FTCD: variants seen among roughly 807,000 people sequenced by gnomAD.
The protein encoded by FTCD is formimidoyltransferase cyclodeaminase.
FTCD carries 76 observed loss-of-function variants against 62.9 expected under a neutral mutation model. The observed-to-expected ratio is 1.21, with a 90% CI of 1.00 to 1.46. FTCD has a LOEUF of 1.46. Ranked by LOEUF, FTCD falls within the 40% of genes most tolerant of loss-of-function variation. FTCD has a pLI of 0.00. For synonymous variants in FTCD, 397 were observed against 336.9 expected, an observed-to-expected ratio of 1.18 and a Z score of -1.95; for missense variants, 845 against 751.3, an observed-to-expected ratio of 1.12 and a Z score of -1.46.
At chr21:46,148,224 C>T (rs1236815765) in intron 7 of FTCD, among the ~76,000 whole-genome samples, 1 of 152,172 alleles carries the variant, frequency 6.6e-6, no homozygotes, top group African/African-American at 2.4e-5. Context: ...GGAAGGGGGT[C>T]GCCTTGGCAA....
chr21:46,151,882 G>C lies in FTCD; in HGVS notation c.456+10C>G, dbSNP rs113169471. The C allele has an allele frequency of 2.7e-4, 415 of 1,557,514 alleles. 3 individuals carry two copies. In the African/African-American group the frequency reaches 4.8e-3, roughly 18 times the overall value. On this transcript the variant is annotated intron_variant, in intron 4 of 13. Transcript: ENST00000397746. ...TCCTTCCCAGGCCCGACCGCCCGGG[G>C]TGGGGGCACCTTCTTAGGGAGGGCC...
chr21:46,145,050 G>C (rs1249735995), intron 10 of FTCD, among the ~76,000 whole-genome samples: 2 of 151,832 alleles, frequency 1.3e-5, no homozygotes, highest in Admixed American at 1.3e-4. Context: ...ATTCTTGCAG[G>C]CCTCCTTTCC....
intron 7 of FTCD, 24 bp downstream of exon 7, chr21:46,150,095 C>T (rs544050099): frequency 6.2e-6 from 10 of 1,600,436 alleles, no homozygotes; most frequent in South Asian, 2.2e-5. Flanking sequence ...CCCTGTCCGA[C>T]CCTTCCTCGG....
intron 3 of FTCD, 118 bp from the exon 4 acceptor site, chr21:46,152,098 C>A: frequency 1.4e-6 from 1 of 706,646 alleles, no homozygotes; most frequent in Non-Finnish European, 2.4e-6. Context: ...TCTACTGCAC[C>A]CTCTCCTGGG....
intron 7 of FTCD, among the ~76,000 whole-genome samples, chr21:46,149,002 G>A (rs185733190): frequency 6.6e-6 from 1 of 152,138 alleles, no homozygotes; most frequent in Non-Finnish European, 1.5e-5. Context: ...TAATAAATTA[G>A]GGGTAAAAGA....
rs1401182404 is a variant in FTCD, at chr21:46,137,393, G to A, written c.1444-59C>T. 57 of 1,302,366 alleles carry A rather than the reference G, an allele frequency of 4.4e-5. 1 individual carries two copies. Among genetic ancestry groups the A allele is most frequent in the South Asian group, 3.5e-4 (30 of 84,718 alleles). The allele number at this position is 1,302,366 out of a possible 1,614,324, so 80.7% of individuals were successfully genotyped here. On this transcript the variant is annotated intron_variant, in intron 12 of 13. Transcript: ENST00000397746. ...AAGGCTGAGCAAACTGCCGGAAGGA[G>A]GGTCTCTGCCTGACGGGCTCTGGGA...
chr21:46,150,248 C>T lies in FTCD; in HGVS notation c.777G>A (p.Glu259=), dbSNP rs1294340189. 5 of 1,609,194 alleles carry T rather than the reference C, an allele frequency of 3.1e-6. No homozygotes were observed. The highest frequency in any genetic ancestry group is 4.2e-6 in the Non-Finnish European group (5 of 1,178,460). Residue 259 remains glutamate, a splice_region_variant and synonymous_variant, in exon 7 of 14, where the codon GAG becomes GAA. Transcript: ENST00000397746. ...GTGAGCCCACCACTGGGAGGCTCAG[C>T]TCCTGCCAAGGCACAGGCAGCGTCA... The part of the protein sequence containing the change: ...VYEETCREAQ[E]LSLPVVGSQL...
At chr21:46,136,493 TTC>T (rs775831795), downstream of FTCD, 87 of 1,612,464 alleles carry the variant, frequency 5.4e-5, no homozygotes, top group Non-Finnish European at 7.0e-5. Context: ...TCCCTGGGGT[TTC>T]TGTCCCATGC....
chr21:46,140,200 A>C (rs541325610), intron 10 of FTCD, among the ~76,000 whole-genome samples: 1 of 151,680 alleles, frequency 6.6e-6, no homozygotes, highest in African/African-American at 2.4e-5. Flanking sequence ...GTGTACACCA[A>C]CCCAGCACTC....
In FTCD at chr21:46,137,324, T is replaced by C. The variant is rs768097482; in HGVS notation, c.1454A>G (p.Lys485Arg). 1.9e-6 allele frequency: 3 copies of C among 1,613,450 alleles called. No individual in the cohort carries two copies. Among genetic ancestry groups the C allele is most frequent in the South Asian group, 2.2e-5 (2 of 91,076 alleles). The change falls in exon 13 of 14, where the codon AAA (lysine) becomes AGA (arginine). Residue 485 changes from lysine (K) to arginine (R), a missense_variant. Transcript: ENST00000397746. Reference sequence around the variant, plus strand: ...GCCAAACACGCCCATCTCCAGGGCTTTGGCCGCCACCTGCAAGGACCCCAG... The same window carrying C: ...GCCAAACACGCCCATCTCCAGGGCTCTGGCCGCCACCTGCAAGGACCCCAG... ...ACRSDLQVAA[K>R]ALEMGVFGAY... is the part of the protein sequence containing the mutation.
downstream of FTCD, chr21:46,136,442 T>A (rs752959852): frequency 6.2e-7 from 1 of 1,612,624 alleles, no homozygotes; most frequent in East Asian, 2.2e-5. Context: ...GAGCTGCACC[T>A]GGGAAGCGAG....
Position 46,138,644 on chromosome 21 carries a change from C to A in FTCD, c.1307G>T (p.Arg436Leu). 6.3e-7 allele frequency: 1 copy of A among 1,594,938 alleles called. No homozygotes were observed. Residue 436 changes from arginine (R) to leucine (L), a missense_variant and splice_region_variant, in exon 12 of 14, where the codon CGC becomes CTC. Physicochemically the swap from Arg to Leu is moderately radical, Grantham distance 102. Transcript: ENST00000397746. ...PKNTPEEKDRRTAALQEGLRR... is the reference protein window; with the variant it reads ...PKNTPEEKDRLTAALQEGLRR... ...CAGACCCTCCTGTAGGGCCGCCGTG[C>A]GCCTGAAAGGAGCAAGAGGAGAGCC...
chr21:46,153,188 G>C (rs1025369087), intron 2 of FTCD, among the ~76,000 whole-genome samples, 153 bp from the exon 3 acceptor site: 1 of 152,142 alleles, frequency 6.6e-6, no homozygotes, highest in East Asian at 1.9e-4. Flanking sequence ...GGAGGAGGCC[G>C]GCCCTGGGCG....
At position 46,136,831 on chromosome 21, in the gene FTCD, C is replaced by G. The variant is rs919140094; in HGVS notation, c.*156G>C. On this transcript the variant is annotated 3_prime_UTR_variant, in exon 14 of 14. Transcript: ENST00000397746. ...ACATGGGACTAGGGGCCTTCTGTCC[C>G]TGCCAGCGCCTCCATTCCCAGGCGA... is the stretch of plus-strand genomic sequence containing the variant. The G allele has an allele frequency of 3.2e-6, 5 of 1,549,722 alleles. No individual in the cohort carries two copies. The Admixed American group carries it at 5.9e-5, about 18-fold the overall frequency.
At chr21:46,139,400 T>C (rs1393534234) in intron 10 of FTCD, among the ~76,000 whole-genome samples, 1 of 152,144 alleles carries the variant, frequency 6.6e-6, no homozygotes, top group Non-Finnish European at 1.5e-5. Context: ...TAGGTGCTCA[T>C]GTGTGTAGCT....
At chr21:46,151,868 C>A (rs574574063) in intron 4 of FTCD, 24 bp downstream of exon 4, 97 of 1,553,506 alleles carry the variant, frequency 6.2e-5, no homozygotes, top group Non-Finnish European at 9.6e-6. Flanking sequence ...CCTTCCCAGG[C>A]CCGACCGCCC....
chr21:46,150,102 T>G lies in FTCD; in HGVS notation c.906+17A>C. On this transcript the variant is annotated intron_variant, in intron 7 of 13. Transcript: ENST00000397746. ...CTGCACGCCCCTGTCCGACCCTTCCTCGGCAGCCCGGCCCACCAGCCTGAT... is the reference window on the plus strand; with the variant it reads ...CTGCACGCCCCTGTCCGACCCTTCCGCGGCAGCCCGGCCCACCAGCCTGAT... 7.6e-7 allele frequency: 1 copy of G among 1,318,940 alleles called. No homozygotes were observed. The highest frequency in any genetic ancestry group is 1.0e-6 in the Non-Finnish European group (1 of 982,184). 81.7% of individuals were successfully genotyped at this position (1,318,940 alleles called of 1,614,324 possible).
Position 46,150,399 on chromosome 21 carries a change from G to A in FTCD, c.763C>T (p.Arg255Ter), listed in dbSNP as rs140217223. Reference protein sequence around the residue: ...ALHTVYEETCREAQELSLPVV... With the variant: ...ALHTVYEETC ...GCTCCCGGGCTCACCTGTGCTTCTC[G>A]GCAGGTCTCCTCGTAGACCGTGTGC... Residue 255 changes from arginine to a stop codon, truncating the protein, a stop_gained, in exon 6 of 14, where the codon CGA (arginine) becomes TGA (stop). Coordinates refer to ENST00000397746, the MANE Select transcript of FTCD (RefSeq NM_206965.2). LOFTEE classifies it high-confidence loss of function. 82 of 1,612,738 alleles carry A rather than the reference G, an allele frequency of 5.1e-5. No individual in the cohort carries two copies. Among genetic ancestry groups the A allele is most frequent in the African/African-American group, 1.2e-4 (9 of 74,900 alleles).
chr21:46,145,604 C>T (rs979497960), intron 9 of FTCD, 26 bp from the exon 10 acceptor site: 2 of 1,518,950 alleles, frequency 1.3e-6, no homozygotes, highest in South Asian at 1.2e-5. Flanking sequence ...ATGTGGGGGT[C>T]GCAGGGACCC....
Sources: gnomAD v4.1 joint callset for allele counts (sites outside exome capture counted in the v4.1 genomes callset) on GRCh38, gnomAD v4.1.1 for gene constraint, MANE v1.5 for transcripts, NCBI Gene and HGNC (gene_info 2026-07-23, HGNC 2026-07-21) for gene names.